KYAT3: variants seen among roughly 807,000 people sequenced by gnomAD.
KYAT3 encodes the protein kynurenine--oxoglutarate transaminase 3.
Under a neutral mutation model 59.0 loss-of-function variants are expected in KYAT3, and 50 were observed. That is an observed-to-expected ratio of 0.85 (90% CI 0.68 to 1.07). The LOEUF (loss-of-function observed/expected upper bound fraction) is 1.07. KYAT3 is among the 50% of genes least tolerant of loss of function. KYAT3 has a pLI of 0.00. For synonymous variants in KYAT3, 148 were observed against 177.0 expected (o/e 0.84, Z 1.30); for missense variants, 497 against 533.3 (o/e 0.93, Z 0.67).
intron 1 of KYAT3, among the ~76,000 whole-genome samples, chr1:88,988,708 G>C (rs969644118): frequency 8.5e-5 from 13 of 152,154 alleles, no homozygotes; most frequent in African/African-American, 3.1e-4. Flanking sequence ...TTTCAATCTA[G>C]GAACTACTCA....
intron 10 of KYAT3, among the ~76,000 whole-genome samples, chr1:88,952,488 T>C (rs992655746): frequency 3.9e-5 from 6 of 152,158 alleles, no homozygotes; most frequent in African/African-American, 1.4e-4. Flanking sequence ...TATTGTGAGA[T>C]ACGGTTGTTT....
chr1:88,988,485 T>C (rs555527808), intron 1 of KYAT3, 134 bp from the exon 2 acceptor site: 31 of 516,368 alleles, frequency 6.0e-5, no homozygotes, highest in African/African-American at 4.8e-4. Context: ...GTGAGTTTGC[T>C]TTCTTTCAAG....
At position 88,959,169 on chromosome 1, in the gene KYAT3, A is replaced by G. The variant is rs148924672; in HGVS notation, c.787+1998T>C. On this transcript the variant is annotated intron_variant, in intron 8 of 13. Transcript: ENST00000260508. The stretch of plus-strand genomic sequence containing the variant: ...GGGGTGCAGACTTGTAGTCATAGCT[A>G]TTTGGGGGGCTGAGGTGGAAGGATT... Among the ~76,000 whole-genome samples, 438 of 151,466 alleles carry G rather than the reference A, an allele frequency of 2.9e-3. 1 individual carries two copies. Among genetic ancestry groups the G allele is most frequent in the African/African-American group, 0.01 (426 of 41,264 alleles).
At chr1:88,925,157 T>TGGA in the KYAT3 span, among the ~76,000 whole-genome samples, 1 of 152,250 alleles carries the variant, frequency 6.6e-6, no homozygotes, top group African/African-American at 2.4e-5. Flanking sequence ...TTCGTCTGTC[T>TGGA]GGAGCCAGCT....
chr1:88,936,041 G>T lies in KYAT3; in HGVS notation c.*142C>A. ...TCCCCCGAAAATGTTGTTAGGAGTT[G>T]GGTTAACTGCTTTGGAAAAACAATG... On this transcript the variant is annotated 3_prime_UTR_variant, in exon 14 of 14. Coordinates refer to ENST00000260508, the MANE Select transcript of KYAT3 (RefSeq NM_001008661.3). The T allele has an allele frequency of 1.7e-6, 1 of 574,570 alleles. No individual in the cohort carries two copies. Among genetic ancestry groups the T allele is most frequent in the Non-Finnish European group, 3.0e-6 (1 of 328,564 alleles). 35.6% of individuals were successfully genotyped at this position (574,570 alleles called of 1,614,324 possible). A position where few individuals can be genotyped will look rare whatever the true frequency, so the allele number is the denominator to read the frequency against.
At chr1:88,954,227 G>C (rs565624847) in intron 9 of KYAT3, among the ~76,000 whole-genome samples, 24 of 152,254 alleles carry the variant, frequency 1.6e-4, no homozygotes, top group African/African-American at 5.8e-4. Context: ...CCATGCTCAG[G>C]AGAGGTGAGG....
chr1:88,973,706 G>A (rs115167003), intron 2 of KYAT3, among the ~76,000 whole-genome samples: 387 of 152,190 alleles, frequency 2.5e-3, no homozygotes, highest in Admixed American at 7.7e-3. Flanking sequence ...GAACAATGAA[G>A]TTCTAGAAAT....
At chr1:88,950,338 A>AATT (rs1237684166) in intron 10 of KYAT3, among the ~76,000 whole-genome samples, 1 of 152,218 alleles carries the variant, frequency 6.6e-6, no homozygotes, top group East Asian at 1.9e-4. Context: ...ATAAATCTCC[A>AATT]GTACTACAAA....
chr1:88,974,469 C>CTTTTTTTTTTTTTTT (rs71084932), intron 2 of KYAT3, among the ~76,000 whole-genome samples: 1 of 69,660 alleles, frequency 1.4e-5, no homozygotes, highest in Admixed American at 2.1e-4. Flanking sequence ...GTGTCTCTCT[C>CTTTTTTTTTTTTTTT]TTTTTTTTTT....
intron 2 of KYAT3, among the ~76,000 whole-genome samples, chr1:88,970,545 C>A (rs1245766055): frequency 1.3e-5 from 2 of 152,022 alleles, no homozygotes; most frequent in South Asian, 2.1e-4. Flanking sequence ...TATAATAAGA[C>A]CTTCTAAAAA....
At chr1:88,984,366 C>T (rs1677322261) in intron 2 of KYAT3, among the ~76,000 whole-genome samples, 1 of 151,914 alleles carries the variant, frequency 6.6e-6, no homozygotes, top group Admixed American at 6.6e-5. Context: ...CGGCATGCGC[C>T]ACCACACCTG....
chr1:88,987,352 G>A (rs750000945), intron 2 of KYAT3, among the ~76,000 whole-genome samples: 2 of 151,992 alleles, frequency 1.3e-5, no homozygotes, highest in Non-Finnish European at 2.9e-5. Context: ...GGCATAAAGA[G>A]GAGAGAATTC....
At chr1:88,977,294 C>G (rs149571223) in intron 2 of KYAT3, among the ~76,000 whole-genome samples, 6,552 of 152,296 alleles carry the variant, frequency 0.043, 203 homozygotes, top group Middle Eastern at 0.085. Flanking sequence ...CTCCACCTCC[C>G]GGGTTCAAGT....
intron 4 of KYAT3, among the ~76,000 whole-genome samples, chr1:88,967,269 G>A (rs994477185): frequency 2.6e-5 from 4 of 151,888 alleles, no homozygotes; most frequent in African/African-American, 9.7e-5. Context: ...CAAAACCCCT[G>A]ATTAAAAGTT....
chr1:88,954,238 C>T (rs554640498), intron 9 of KYAT3, among the ~76,000 whole-genome samples: 1 of 152,196 alleles, frequency 6.6e-6, no homozygotes, highest in South Asian at 2.1e-4. Context: ...AGAGGTGAGG[C>T]TGGAAGAGAA....
the KYAT3 span, among the ~76,000 whole-genome samples, chr1:88,927,434 G>C: frequency 6.6e-6 from 1 of 152,192 alleles, no homozygotes; most frequent in Non-Finnish European, 1.5e-5. Context: ...CAAATGGAGT[G>C]AAGTGCCATA....
At position 88,948,191 on chromosome 1, in the gene KYAT3, T is replaced by C. The variant is rs181959752; in HGVS notation, c.1141+900A>G. On this transcript the variant is annotated intron_variant, in intron 11 of 13. Transcript: ENST00000260508. ...TTAAAAAATATGATCAATGTTTTGC[T>C]ATAAAATTGAAAATTTCCTTTACTC... Among the ~76,000 whole-genome samples, 268 of 152,348 alleles carry C rather than the reference T, an allele frequency of 1.8e-3. 2 individuals are homozygous for C. The highest frequency in any genetic ancestry group is 6.1e-3 in the African/African-American group (253 of 41,590).
chr1:88,980,109 A>C (rs546782823), intron 2 of KYAT3: 1 of 152,392 alleles, frequency 6.6e-6, no homozygotes, highest in South Asian at 2.1e-4. Context: ...ACTAAACACC[A>C]CCACAAAGCA....
downstream of KYAT3, among the ~76,000 whole-genome samples, chr1:88,931,559 T>C (rs900440098): frequency 2.0e-5 from 3 of 151,978 alleles, no homozygotes; most frequent in African/African-American, 7.2e-5. Context: ...GGTTTTCCTG[T>C]TGAGAGGGGG....
Sources: gnomAD v4.1 joint callset for allele counts (sites outside exome capture counted in the v4.1 genomes callset) on GRCh38, gnomAD v4.1.1 for gene constraint, MANE v1.5 for transcripts, NCBI Gene and HGNC (gene_info 2026-07-23, HGNC 2026-07-21) for gene names.